The following SH3GL2 variants were observed in gnomAD, a reference collection of about 807,000 sequenced individuals.
The protein encoded by SH3GL2 is SH3 domain containing GRB2 like 2, endophilin A1, also known as endophilin-A1.
SH3GL2 carries 24 observed loss-of-function variants against 46.0 expected under a neutral mutation model. That is an observed-to-expected ratio of 0.52 (90% CI 0.38 to 0.73). SH3GL2 has a LOEUF of 0.73. SH3GL2 is among the 30% of genes least tolerant of loss of function. The probability of loss-of-function intolerance (pLI) is 0.00; values close to 1 mark genes in which losing one functional copy is unlikely to be tolerated. For synonymous variants in SH3GL2, 196 were observed against 147.1 expected (o/e 1.33, Z -2.40); for missense variants, 413 against 424.2 (o/e 0.97, Z 0.23).
At chr9:17,600,246 G>A (rs1223633580) in intron 1 of SH3GL2, among the ~76,000 whole-genome samples, 1 of 152,142 alleles carries the variant, frequency 6.6e-6, no homozygotes, top group Non-Finnish European at 1.5e-5. Flanking sequence ...TAGAAACACA[G>A]CCTCTTAAGC....
intron 1 of SH3GL2, among the ~76,000 whole-genome samples, chr9:17,681,914 G>C (rs921342751): frequency 2.0e-5 from 3 of 152,170 alleles, no homozygotes; most frequent in East Asian, 3.9e-4. Context: ...CTCAAAAGAA[G>C]ACATGTGGCC....
intron 1 of SH3GL2, among the ~76,000 whole-genome samples, chr9:17,693,634 A>G (rs780294707): frequency 2.0e-5 from 3 of 152,200 alleles, no homozygotes; most frequent in African/African-American, 4.8e-5. Context: ...GAATCTTTCT[A>G]CACATAAAAC....
chr9:17,730,600 C>T (rs1000987267), intron 1 of SH3GL2, among the ~76,000 whole-genome samples: 3 of 152,038 alleles, frequency 2.0e-5, no homozygotes, highest in Admixed American at 6.6e-5. Context: ...GTGGGTTTGT[C>T]ATAAATAGCT....
intron 1 of SH3GL2, among the ~76,000 whole-genome samples, chr9:17,667,518 T>C (rs1266997017): frequency 1.3e-5 from 2 of 152,208 alleles, no homozygotes; most frequent in African/African-American, 4.8e-5. Context: ...AACATTTGTT[T>C]TTATGGCAGA....
intron 1 of SH3GL2, among the ~76,000 whole-genome samples, chr9:17,696,176 A>G (rs1215845116): frequency 6.6e-6 from 1 of 151,096 alleles, no homozygotes; most frequent in Non-Finnish European, 1.5e-5. Context: ...TCCACACTAA[A>G]GAGGACTTTT....
chr9:17,628,397 A>T (rs1424294232), intron 1 of SH3GL2, among the ~76,000 whole-genome samples: 3 of 150,080 alleles, frequency 2.0e-5, no homozygotes, highest in Non-Finnish European at 1.5e-5. Flanking sequence ...GGATGCCCAG[A>T]TAACTATATC....
Position 17,793,349 on chromosome 9 carries a change from C to T in SH3GL2, c.729-18C>T, listed in dbSNP as rs1341349737. On this transcript the variant is annotated intron_variant, in intron 7 of 8. Transcript: ENST00000380607. ...AACTGGTTACATAACCTTTCCACCA[C>T]TTTTCTTTTTACTGCAGAATAAGAC... 3 of 1,602,680 alleles carry T rather than the reference C, an allele frequency of 1.9e-6. No individual in the cohort carries two copies. Among genetic ancestry groups the T allele is most frequent in the South Asian group, 1.1e-5 (1 of 88,994 alleles).
intron 2 of SH3GL2, among the ~76,000 whole-genome samples, chr9:17,756,424 C>T (rs962176195): frequency 6.6e-6 from 1 of 151,512 alleles, no homozygotes; most frequent in African/African-American, 2.4e-5. Flanking sequence ...GTGCTGCACC[C>T]ATTAACTCGT....
chr9:17,741,090 C>T (rs903228072), intron 1 of SH3GL2, among the ~76,000 whole-genome samples: 9 of 152,062 alleles, frequency 5.9e-5, no homozygotes, highest in Admixed American at 1.3e-4. Flanking sequence ...CCCCATAATG[C>T]AGATTAGGCA....
chr9:17,642,268 C>A (rs898944823), intron 1 of SH3GL2, among the ~76,000 whole-genome samples: 1 of 152,224 alleles, frequency 6.6e-6, no homozygotes, highest in Non-Finnish European at 1.5e-5. Context: ...AGCCCTTTGT[C>A]AGATGGATAG....
chr9:17,787,333 C>T (rs1439900630), intron 4 of SH3GL2, 47 bp from the exon 5 acceptor site: 6 of 1,554,544 alleles, frequency 3.9e-6, no homozygotes, highest in African/African-American at 2.7e-5. Flanking sequence ...ATTGCGAGTG[C>T]ATTTCATCTT....
chr9:17,786,315 CA>C, intron 3 of SH3GL2, 65 bp from the exon 4 acceptor site: 1 of 1,473,824 alleles, frequency 6.8e-7, no homozygotes, highest in Non-Finnish European at 9.2e-7. Flanking sequence ...CCTGATCCTC[CA>C]TCCAGCCCTA....
At chr9:17,595,241 A>C (rs1249134620) in intron 1 of SH3GL2, among the ~76,000 whole-genome samples, 1 of 152,212 alleles carries the variant, frequency 6.6e-6, no homozygotes, top group Non-Finnish European at 1.5e-5. Context: ...TATCAAACCA[A>C]GACATACCTA....
intron 1 of SH3GL2, among the ~76,000 whole-genome samples, chr9:17,623,026 CT>C: frequency 2.9e-5 from 3 of 104,318 alleles, no homozygotes; most frequent in African/African-American, 1.2e-4. Flanking sequence ...CTTTCCTTTC[CT>C]TTCCTTTCCT....
chr9:17,670,856 C>G lies in SH3GL2; in HGVS notation c.46-76210C>G, dbSNP rs552853572. Among the ~76,000 whole-genome samples the G allele has an allele frequency of 6.6e-5, 10 of 152,246 alleles. No homozygotes were observed. The South Asian group carries it at 1.9e-3, about 28-fold the overall frequency. On this transcript the variant is annotated intron_variant, in intron 1 of 8. Transcript: ENST00000380607. Reference sequence around the variant, plus strand: ...CTCAAATGTTAGTGGGTAACAGATTCACCTGGAAGGCTTATTAAAGCACAG... The same window carrying G: ...CTCAAATGTTAGTGGGTAACAGATTGACCTGGAAGGCTTATTAAAGCACAG...
intron 1 of SH3GL2, among the ~76,000 whole-genome samples, chr9:17,744,439 C>T (rs989231491): frequency 6.6e-6 from 1 of 151,990 alleles, no homozygotes; most frequent in Middle Eastern, 3.4e-3. Context: ...GATCACGGCT[C>T]ACTGTGGCCT....
chr9:17,697,799 C>A (rs1365678454), intron 1 of SH3GL2, among the ~76,000 whole-genome samples: 1 of 152,148 alleles, frequency 6.6e-6, no homozygotes, highest in African/African-American at 2.4e-5. Flanking sequence ...AGGATTGTAA[C>A]CCTGATGATC....
In SH3GL2 at chr9:17,796,091, C is replaced by G. The variant is rs1824268579; in HGVS notation, c.*348C>G. The G allele has an allele frequency of 9.4e-6, 2 of 213,592 alleles. No individual in the cohort carries two copies. The highest frequency in any genetic ancestry group is 1.9e-5 in the Non-Finnish European group (2 of 106,880). The allele number at this position is 213,592 out of a possible 1,614,324, so 13.2% of individuals were successfully genotyped here. A position where few individuals can be genotyped will look rare whatever the true frequency, so the allele number is the denominator to read the frequency against. On this transcript the variant is annotated 3_prime_UTR_variant, in exon 9 of 9. Transcript: ENST00000380607. ...TCCCACCGAAGATATTGTCTATCAC[C>G]CCAGGGGCCATCTGAAGGTCTCTTT...
intron 1 of SH3GL2, among the ~76,000 whole-genome samples, chr9:17,625,080 G>A (rs1234374045): frequency 1.3e-5 from 2 of 152,116 alleles, no homozygotes; most frequent in East Asian, 3.9e-4. Flanking sequence ...TACTTTTTTT[G>A]GGAGGGGGCT....
Sources: allele counts gnomAD v4.1 joint callset (sites outside exome capture counted in the v4.1 genomes callset), GRCh38; gene constraint gnomAD v4.1.1; transcripts MANE v1.5; gene names NCBI Gene and HGNC (gene_info 2026-07-23, HGNC 2026-07-21).